The following HHLA2 variants were observed in gnomAD, a reference collection of about 807,000 sequenced individuals.
HHLA2 encodes HHLA2 member of B7 family, also known as HERV-H LTR-associating protein 2.
Under a neutral mutation model 45.9 loss-of-function variants are expected in HHLA2, and 48 were observed. The ratio of observed to expected loss-of-function variants is 1.05; its 90% confidence interval spans 0.83 to 1.33. HHLA2 has a LOEUF of 1.33. HHLA2 is among the 40% of genes most tolerant of loss of function. The pLI is 0.00. For missense variants in HHLA2, 462 were observed against 494.3 expected (o/e 0.93, Z 0.62); for synonymous variants, 161 against 173.9 (o/e 0.93, Z 0.59).
chr3:108,338,858 T>C (rs2081517596), intron 3 of HHLA2, among the ~76,000 whole-genome samples: 2 of 152,174 alleles, frequency 1.3e-5, no homozygotes. Flanking sequence ...GAGGCAGGAT[T>C]TCTGGGCATT....
intron 2 of HHLA2, among the ~76,000 whole-genome samples, chr3:108,321,397 C>T (rs56351436): frequency 0.074 from 11,259 of 152,226 alleles, 1,230 homozygotes; most frequent in East Asian, 0.53. Context: ...TAGTGCATGT[C>T]TGAAAATGTC....
intron 1 of HHLA2, among the ~76,000 whole-genome samples, chr3:108,298,484 G>T (rs2080798902): frequency 6.6e-6 from 1 of 152,148 alleles, no homozygotes; most frequent in South Asian, 2.1e-4. Context: ...AAAGTTTCCA[G>T]TATATATTTG....
At chr3:108,353,820 T>C (rs1047943314) in intron 5 of HHLA2, 40 bp downstream of exon 4, 1 of 1,439,882 alleles carries the variant, frequency 6.9e-7, no homozygotes, top group Non-Finnish European at 9.5e-7. Flanking sequence ...AGCAATGACA[T>C]CATTCCATGT....
At chr3:108,305,274 G>A (rs1425349087) in intron 1 of HHLA2, among the ~76,000 whole-genome samples, 1 of 152,164 alleles carries the variant, frequency 6.6e-6, no homozygotes, top group Non-Finnish European at 1.5e-5. Context: ...CGGAAGCAAG[G>A]CAAGGGAAGA....
chr3:108,329,509 A>C (rs765994690), intron 3 of HHLA2, among the ~76,000 whole-genome samples: 1 of 152,174 alleles, frequency 6.6e-6, no homozygotes, highest in Non-Finnish European at 1.5e-5. Flanking sequence ...CTGGAGTTGG[A>C]CAGAGACCCA....
chr3:108,343,580 A>G (rs553280151), intron 3 of HHLA2, among the ~76,000 whole-genome samples: 1 of 152,278 alleles, frequency 6.6e-6, no homozygotes, highest in African/African-American at 2.4e-5. Flanking sequence ...TCTTATAAAG[A>G]TTGGATTTGC....
At chr3:108,305,435 C>T (rs374874536) in intron 1 of HHLA2, among the ~76,000 whole-genome samples, 109 of 152,218 alleles carry the variant, frequency 7.2e-4, no homozygotes, top group South Asian at 3.7e-3. Context: ...AAGTCCTCCA[C>T]GGGAGGAAAG....
chr3:108,321,971 C>T (rs550864285), intron 2 of HHLA2, among the ~76,000 whole-genome samples: 1 of 152,116 alleles, frequency 6.6e-6, no homozygotes, highest in Non-Finnish European at 1.5e-5. Context: ...TTTCTTATCT[C>T]TCTGAAGATG....
intron 2 of HHLA2, among the ~76,000 whole-genome samples, chr3:108,316,842 A>G (rs527838100): frequency 7.2e-5 from 11 of 152,308 alleles, no homozygotes; most frequent in African/African-American, 1.4e-4. Flanking sequence ...CATTTTCTTT[A>G]GGAATTTAAC....
intron 2 of HHLA2, chr3:108,328,172 G>C: frequency 1.8e-6 from 1 of 556,594 alleles, no homozygotes. Context: ...TTTCAGTTTG[G>C]TATAATATTT....
At chr3:108,369,319 G>A (rs966980266) in intron 8 of HHLA2, among the ~76,000 whole-genome samples, 5 of 152,112 alleles carry the variant, frequency 3.3e-5, no homozygotes, top group Admixed American at 1.3e-4. Context: ...AAAAACTAGA[G>A]ATTCACGGGG....
intron 3 of HHLA2, among the ~76,000 whole-genome samples, chr3:108,328,825 G>A (rs2081336058): frequency 6.6e-6 from 1 of 151,932 alleles, no homozygotes; most frequent in African/African-American, 2.4e-5. Flanking sequence ...TGCCAGGAAA[G>A]ATCTCAATTT....
At chr3:108,328,497 C>T (rs2081329238) in intron 3 of HHLA2, 1 of 609,140 alleles carries the variant, frequency 1.6e-6, no homozygotes, top group Non-Finnish European at 2.7e-6. Flanking sequence ...ATATTATTAT[C>T]CCTGTTACTA....
intron 2 of HHLA2, among the ~76,000 whole-genome samples, chr3:108,315,029 G>C (rs1319854326): frequency 1.3e-4 from 20 of 152,172 alleles, no homozygotes; most frequent in Admixed American, 1.3e-3. Flanking sequence ...TTTATTTTCA[G>C]CTCTTCAGTA....
At chr3:108,361,705 GAA>G (rs2081987386) in intron 7 of HHLA2, among the ~76,000 whole-genome samples, 1 of 151,948 alleles carries the variant, frequency 6.6e-6, no homozygotes, top group Non-Finnish European at 1.5e-5. Flanking sequence ...GGGGGACTTG[GAA>G]TGTATCCCCC....
intron 8 of HHLA2, among the ~76,000 whole-genome samples, chr3:108,365,616 T>A (rs1210644145): frequency 6.6e-6 from 1 of 150,842 alleles, no homozygotes; most frequent in Admixed American, 6.6e-5. Context: ...TATTCATAAG[T>A]ATGAAATTTT....
chr3:108,319,344 T>C (rs1322764348), intron 2 of HHLA2, among the ~76,000 whole-genome samples: 2 of 152,206 alleles, frequency 1.3e-5, no homozygotes, highest in Non-Finnish European at 2.9e-5. Context: ...TCTGAGACTC[T>C]TCCCACTTGA....
exon 8 of HHLA2, chr3:108,362,380 T>C (rs1333429243): frequency 6.2e-6 from 10 of 1,612,960 alleles, no homozygotes; most frequent in Admixed American, 3.3e-5. Context: ...CAAAGGCTTA[T>C]GGATTTTGGT....
At chr3:108,358,060 C>G in exon 7 of HHLA2, 1 of 1,613,622 alleles carries the variant, frequency 6.2e-7, no homozygotes. Flanking sequence ...AGTGACTTCT[C>G]TATGAATTTG....
Sources: gnomAD v4.1 joint callset for allele counts (sites outside exome capture counted in the v4.1 genomes callset) on GRCh38, gnomAD v4.1.1 for gene constraint, MANE v1.5 for transcripts, NCBI Gene and HGNC (gene_info 2026-07-23, HGNC 2026-07-21) for gene names.